The following ANK2 variants were observed in gnomAD, a reference collection of about 807,000 sequenced individuals.
ANK2 encodes ankyrin 2.
In ANK2, 83 loss-of-function variants were observed where a neutral mutation model predicts 360.5. The observed-to-expected ratio is 0.23, with a 90% CI of 0.19 to 0.28. ANK2 has a LOEUF of 0.28. Among genes scored for constraint, ANK2 ranks in the 10% least tolerant of loss-of-function variants. The pLI, the probability that ANK2 is intolerant of heterozygous loss-of-function variation, is 1.00. For missense variants in ANK2, 4,201 were observed against 4,795.7 expected (o/e 0.88, Z 3.66); for synonymous variants, 1,740 against 1,759.5 (o/e 0.99, Z 0.28).
rs1483619391 is a variant in ANK2, at chr4:113,358,810, G to C, written c.10192G>C (p.Asp3398His). ...ATCTGAATCTGATGCTAGTTCTTTG[G>C]ATTCAAAGACCAAATGCCCAGTAAA... The part of the protein sequence containing the change: ...SKSESDASSL[D>H]SKTKCPVKTR... The change falls in exon 38 of 46, where the codon GAT becomes CAT. Residue 3398 changes from aspartate to histidine, a missense_variant. This residue lies in a region of ANK2 where 2,642 missense variants were observed against 2,714.5 expected (regional missense o/e 0.97). Transcript: ENST00000357077. The C allele has an allele frequency of 6.2e-7, 1 of 1,614,072 alleles. No individual in the cohort carries two copies. Among genetic ancestry groups the C allele is most frequent in the South Asian group, 1.1e-5 (1 of 91,080 alleles).
At chr4:113,236,835 A>C (rs2099387801) in intron 5 of ANK2, 152 bp from the exon 6 acceptor site, 1 of 793,874 alleles carries the variant, frequency 1.3e-6, no homozygotes. Flanking sequence ...ATGATGGATA[A>C]CTGGTTATAA....
At chr4:113,096,431 C>T (rs892557161) in intron 1 of ANK2, among the ~76,000 whole-genome samples, 2 of 152,148 alleles carry the variant, frequency 1.3e-5, no homozygotes, top group African/African-American at 4.8e-5. Context: ...CAGGGTCCTT[C>T]TATCTTGCTT....
chr4:113,373,240 G>A (rs2154074044), intron 44 of ANK2, 45 bp from the exon 45 acceptor site: 1 of 1,612,786 alleles, frequency 6.2e-7, no homozygotes, highest in Non-Finnish European at 8.5e-7. Flanking sequence ...CAATTCCATG[G>A]TACTGTCACA....
At chr4:113,369,301 C>T (rs2096646095) in intron 42 of ANK2, among the ~76,000 whole-genome samples, 1 of 152,192 alleles carries the variant, frequency 6.6e-6, no homozygotes, top group African/African-American at 2.4e-5. Context: ...ATAATAACAT[C>T]ACTCTCTGCC....
At chr4:112,994,668 C>T (rs779973200) in intron 2 of ANK2, among the ~76,000 whole-genome samples, 10 of 152,116 alleles carry the variant, frequency 6.6e-5, no homozygotes, top group African/African-American at 1.7e-4. Context: ...GGGTGTATTG[C>T]GTGATGCTGA....
intron 1 of ANK2, among the ~76,000 whole-genome samples, chr4:112,893,350 A>C (rs892870704): frequency 2.0e-5 from 3 of 152,024 alleles, no homozygotes; most frequent in Admixed American, 2.0e-4. Context: ...TTTCCTAAAG[A>C]TGAGGTTTCC....
chr4:113,336,097 T>C, intron 30 of ANK2, 40 bp downstream of exon 30: 1 of 1,596,528 alleles, frequency 6.3e-7, no homozygotes, highest in Non-Finnish European at 8.6e-7. Flanking sequence ...AACAGGATTG[T>C]ATTCTAATGA....
upstream of ANK2, among the ~76,000 whole-genome samples, chr4:113,049,249 C>G (rs1038235449): frequency 2.0e-5 from 3 of 152,150 alleles, no homozygotes; most frequent in Non-Finnish European, 4.4e-5. Context: ...ATAACCAATC[C>G]TTTTCCTTAA....
At chr4:113,373,048 G>T in intron 43 of ANK2, 42 bp from the exon 44 acceptor site, 2 of 1,518,630 alleles carry the variant, frequency 1.3e-6, no homozygotes, top group Non-Finnish European at 9.1e-7. Context: ...CCTCAGAATT[G>T]GTGCCAAACA....
intron 1 of ANK2, among the ~76,000 whole-genome samples, chr4:113,140,523 C>T (rs888472582): frequency 3.3e-5 from 5 of 152,040 alleles, no homozygotes; most frequent in African/African-American, 4.8e-5. Flanking sequence ...TCTACATGAC[C>T]TTTTTAAATT....
chr4:113,147,523 G>GGT lies in ANK2; in HGVS notation c.85-26889_85-26888dup, dbSNP rs564117795. 1.6e-3 allele frequency among the ~76,000 whole-genome samples: 251 copies of GGT among 152,234 alleles called. 1 individual carries two copies. The highest frequency in any genetic ancestry group is 3.4e-3 in the Middle Eastern group (1 of 294). On this transcript the variant is annotated intron_variant, in intron 1 of 45. Transcript: ENST00000357077. ...TTATAGACTGGAGCATATCATGATT[G>GGT]GTGTGACATTGGAAAGGTGTGGTAG...
intron 1 of ANK2, among the ~76,000 whole-genome samples, chr4:112,876,666 C>T (rs6854596): frequency 0.011 from 1,691 of 152,232 alleles, 21 homozygotes; most frequent in African/African-American, 0.029. Context: ...GAGCTCTTTC[C>T]CTGATTCTTA....
Position 113,282,827 on chromosome 4 carries a change from T to C in ANK2, c.2034T>C (p.Val678=), listed in dbSNP as rs756143488. ...LASQEGHTDM[V]TLLLDKGANI... ...CGCAGGAGGGGCACACAGATATGGT[T>C]ACCTTGCTTCTGGATAAGGGAGCCA... The change falls in exon 18 of 46, where the codon GTT becomes GTC. Residue 678 remains valine, a synonymous_variant. Coordinates refer to ENST00000357077, the MANE Select transcript of ANK2 (RefSeq NM_001148.6). 3.7e-6 allele frequency: 6 copies of C among 1,614,062 alleles called. No individual in the cohort carries two copies. Among genetic ancestry groups the C allele is most frequent in the East Asian group, 2.2e-5 (1 of 44,884 alleles).
At chr4:113,185,806 T>C (rs940914428) in intron 2 of ANK2, among the ~76,000 whole-genome samples, 3 of 152,214 alleles carry the variant, frequency 2.0e-5, no homozygotes, top group African/African-American at 7.2e-5. Context: ...CTGAATGGTA[T>C]TGCCTAGGTT....
chr4:113,071,373 A>G (rs970432579), intron 1 of ANK2, among the ~76,000 whole-genome samples: 1 of 152,194 alleles, frequency 6.6e-6, no homozygotes, highest in Non-Finnish European at 1.5e-5. Context: ...AGAGAGTGCT[A>G]CAGAAATGCA....
At chr4:113,312,857 G>A (rs948024799) in intron 24 of ANK2, among the ~76,000 whole-genome samples, 1 of 152,136 alleles carries the variant, frequency 6.6e-6, no homozygotes, top group African/African-American at 2.4e-5. Context: ...AGTTTCAAAG[G>A]GCTAAACCTG....
chr4:113,195,615 A>G (rs1310282676), intron 2 of ANK2, among the ~76,000 whole-genome samples: 1 of 152,176 alleles, frequency 6.6e-6, no homozygotes, highest in Non-Finnish European at 1.5e-5. Flanking sequence ...GGGCTATGGA[A>G]GCTAATAATT....
At chr4:113,221,253 T>G (rs1449139590) in intron 4 of ANK2, among the ~76,000 whole-genome samples, 10 of 151,872 alleles carry the variant, frequency 6.6e-5, no homozygotes. Flanking sequence ...GTGAGACAAG[T>G]TGGTCTGGAG....
At chr4:112,792,759 T>G in the ANK2 span, among the ~76,000 whole-genome samples, 2 of 152,216 alleles carry the variant, frequency 1.3e-5, no homozygotes, top group East Asian at 3.8e-4. Context: ...CCTGCTTAGT[T>G]GAGTTACTTC....
Sources: allele counts gnomAD v4.1 joint callset (sites outside exome capture counted in the v4.1 genomes callset), GRCh38; gene constraint gnomAD v4.1.1; regional missense constraint gnomAD v4.1.1; transcripts MANE v1.5; gene names NCBI Gene and HGNC (gene_info 2026-07-23, HGNC 2026-07-21).